Variants in ASTN2 observed in about 807,000 individuals in gnomAD.
ASTN2 encodes the protein astrotactin 2.
A neutral mutation model predicts 139.8 loss-of-function variants in ASTN2; 54 were observed. The observed-to-expected ratio is 0.39, with a 90% CI of 0.31 to 0.48. ASTN2 has a LOEUF of 0.48. Among genes scored for constraint, ASTN2 ranks in the 20% least tolerant of loss-of-function variants. The pLI, the probability that ASTN2 is intolerant of heterozygous loss-of-function variation, is 0.95. For missense variants in ASTN2, 1,565 were observed against 1,725.1 expected (o/e 0.91, Z 1.64); for synonymous variants, 756 against 719.5 (o/e 1.05, Z -0.81).
At chr9:116,832,933 T>TG (rs1283804890) in intron 11 of ASTN2, among the ~76,000 whole-genome samples, 1 of 151,648 alleles carries the variant, frequency 6.6e-6, no homozygotes, top group Non-Finnish European at 1.5e-5. Context: ...AGATTTTTTT[T>TG]GTTTTGTTTT....
chr9:117,096,265 C>T, intron 4 of ASTN2, 114 bp from the exon 5 acceptor site: 1 of 784,396 alleles, frequency 1.3e-6, no homozygotes, highest in South Asian at 1.6e-5. Flanking sequence ...CTGTAAATCC[C>T]AAGCAACCCA....
At chr9:116,643,910 TA>T (rs1270978225) in intron 17 of ASTN2, among the ~76,000 whole-genome samples, 4 of 152,236 alleles carry the variant, frequency 2.6e-5, no homozygotes, top group African/African-American at 9.6e-5. Flanking sequence ...GTAATTATAG[TA>T]GCATATGTGT....
At chr9:116,902,291 A>G (rs1834031864) in intron 10 of ASTN2, among the ~76,000 whole-genome samples, 1 of 152,172 alleles carries the variant, frequency 6.6e-6, no homozygotes, top group African/African-American at 2.4e-5. Context: ...TTAGTTTTTA[A>G]CAAGAAAAGT....
intron 3 of ASTN2, among the ~76,000 whole-genome samples, chr9:117,172,049 T>C (rs140960937): frequency 2.0e-5 from 3 of 152,284 alleles, no homozygotes; most frequent in African/African-American, 7.2e-5. Context: ...TAGGATCGCA[T>C]ATCTATGAAG....
intron 1 of ASTN2, among the ~76,000 whole-genome samples, chr9:117,302,174 A>T (rs561245204): frequency 6.6e-6 from 1 of 152,252 alleles, no homozygotes; most frequent in East Asian, 1.9e-4. Context: ...TTTACTTGTA[A>T]ACAGTTTCCA....
chr9:117,310,217 C>T (rs1016050038), intron 1 of ASTN2, among the ~76,000 whole-genome samples: 2 of 152,138 alleles, frequency 1.3e-5, no homozygotes, highest in Non-Finnish European at 2.9e-5. Flanking sequence ...CTCACTTGTC[C>T]TCAGTTAACT....
chr9:117,134,579 C>T (rs1273535662), intron 4 of ASTN2, among the ~76,000 whole-genome samples: 7 of 151,968 alleles, frequency 4.6e-5, no homozygotes, highest in Admixed American at 2.0e-4. Flanking sequence ...CCCGTTACCC[C>T]CTGCACAGCT....
intron 16 of ASTN2, among the ~76,000 whole-genome samples, chr9:116,655,048 T>A (rs1858129250): frequency 6.6e-6 from 1 of 152,196 alleles, no homozygotes; most frequent in Non-Finnish European, 1.5e-5. Flanking sequence ...ACAGCTGAAT[T>A]TAAGGGTTAG....
At chr9:117,170,524 A>G (rs550081870) in intron 3 of ASTN2, among the ~76,000 whole-genome samples, 1 of 152,320 alleles carries the variant, frequency 6.6e-6, no homozygotes, top group Non-Finnish European at 1.5e-5. Flanking sequence ...TAAGTAAAAT[A>G]TAAGCTTTGT....
At position 116,812,331 on chromosome 9, in the gene ASTN2, G is replaced by A. The variant is rs1018904586; in HGVS notation, c.2208-6511C>T. On this transcript the variant is annotated intron_variant, in intron 12 of 22. Coordinates refer to ENST00000313400, the MANE Select transcript of ASTN2 (RefSeq NM_001365068.1). Reference sequence around the variant, plus strand: ...AAAGATTATCCTGGATTACTTGGGTGATCTCAATGTCATCACATGTTTCCC... The same window carrying A: ...AAAGATTATCCTGGATTACTTGGGTAATCTCAATGTCATCACATGTTTCCC... 1.8e-4 allele frequency among the ~76,000 whole-genome samples: 28 copies of A among 152,310 alleles called. No homozygotes were observed. In the East Asian group the frequency reaches 5.2e-3, roughly 28 times the overall value.
chr9:116,968,047 G>A (rs61653247), intron 10 of ASTN2, among the ~76,000 whole-genome samples: 8,747 of 152,196 alleles, frequency 0.057, 396 homozygotes, highest in African/African-American at 0.13. Context: ...TCAGTTACAT[G>A]TAATATGCTG....
intron 16 of ASTN2, among the ~76,000 whole-genome samples, chr9:116,702,313 G>C (rs1827847530): frequency 6.6e-6 from 1 of 152,036 alleles, no homozygotes; most frequent in Admixed American, 6.6e-5. Context: ...AAGAGCACCT[G>C]ATGGTGGGAA....
At position 117,236,681 on chromosome 9, in the gene ASTN2, T is replaced by C. The variant is rs375619540; in HGVS notation, c.631-21939A>G. ...GATGGACAGAACACTTTAAGTTCAA[T>C]AGAGCATGGTGAGCCCCATTTCCTA... On this transcript the variant is annotated intron_variant, in intron 2 of 22. Coordinates refer to ENST00000313400, the MANE Select transcript of ASTN2 (RefSeq NM_001365068.1). 1.1e-4 allele frequency among the ~76,000 whole-genome samples: 16 copies of C among 152,296 alleles called. No homozygotes were observed. In the East Asian group the frequency reaches 2.3e-3, roughly 22 times the overall value.
intron 10 of ASTN2, among the ~76,000 whole-genome samples, chr9:116,872,133 T>C (rs1833183525): frequency 6.6e-6 from 1 of 152,158 alleles, no homozygotes; most frequent in East Asian, 1.9e-4. Context: ...CAGACTAATT[T>C]TTGTATTTTT....
At chr9:117,209,751 A>T (rs556472974) in intron 3 of ASTN2, among the ~76,000 whole-genome samples, 58 of 152,162 alleles carry the variant, frequency 3.8e-4, no homozygotes, top group Non-Finnish European at 8.4e-4. Context: ...TGCAAAGGGC[A>T]AGATTCTTTT....
At position 116,626,154 on chromosome 9, in the gene ASTN2, G is replaced by GTTTTTTTTTTTTTT. The variant is rs751026997; in HGVS notation, c.3073-5725_3073-5712dup. Among the ~76,000 whole-genome samples, 23 of 34,440 alleles carry GTTTTTTTTTTTTTT rather than the reference G, an allele frequency of 6.7e-4. 2 individuals are homozygous for GTTTTTTTTTTTTTT. Among genetic ancestry groups the GTTTTTTTTTTTTTT allele is most frequent in the Non-Finnish European group, 9.5e-4 (17 of 17,904 alleles). 22.6% of individuals were successfully genotyped at this position (34,440 alleles called of 152,430 possible). A position where few individuals can be genotyped will look rare whatever the true frequency, so the allele number is the denominator to read the frequency against. On this transcript the variant is annotated intron_variant, in intron 17 of 22. Transcript: ENST00000313400. Reference sequence around the variant, plus strand: ...ACCACCATGCCTGGTTAGTTTTTGTGTTTTTTTTTTTTTTTTTTTTTTTTT... The same window carrying GTTTTTTTTTTTTTT: ...ACCACCATGCCTGGTTAGTTTTTGTGTTTTTTTTTTTTTTTTTTTTTTTTTTTTTTTTTTTTTTT...
intron 6 of ASTN2, among the ~76,000 whole-genome samples, chr9:117,009,926 G>A (rs1028640796): frequency 5.3e-5 from 8 of 152,190 alleles, no homozygotes; most frequent in African/African-American, 1.9e-4. Context: ...AAGACTGTGG[G>A]AGGAGAAGTT....
chr9:116,547,018 T>A (rs145161327), intron 19 of ASTN2, among the ~76,000 whole-genome samples: 2 of 152,312 alleles, frequency 1.3e-5, no homozygotes, highest in Admixed American at 6.5e-5. Context: ...TTTATTTATG[T>A]GGTGGTGTGA....
chr9:116,565,780 GCCTACAT>G (rs915494776), intron 19 of ASTN2, among the ~76,000 whole-genome samples: 2 of 152,022 alleles, frequency 1.3e-5, no homozygotes, highest in African/African-American at 2.4e-5. Flanking sequence ...ACCACACTCA[GCCTACAT>G]CCTATTTTCT....
Sources: gnomAD v4.1 joint callset for allele counts (sites outside exome capture counted in the v4.1 genomes callset) on GRCh38, gnomAD v4.1.1 for gene constraint, MANE v1.5 for transcripts, NCBI Gene and HGNC (gene_info 2026-07-23, HGNC 2026-07-21) for gene names.